SACM1L: variants seen among roughly 807,000 people sequenced by gnomAD.
The protein encoded by SACM1L is phosphatidylinositol-3-phosphatase SAC1.
Under a neutral mutation model 89.5 loss-of-function variants are expected in SACM1L, and 32 were observed. The ratio of observed to expected loss-of-function variants is 0.36; its 90% CI spans 0.27 to 0.48. The LOEUF is 0.48. SACM1L is among the 20% of genes least tolerant of loss of function. SACM1L has a pLI of 0.99. For missense variants in SACM1L, 543 were observed against 708.5 expected (o/e 0.77, Z 2.65); for synonymous variants, 213 against 232.8 (o/e 0.92, Z 0.77).
chr3:45,699,551 T>G (rs1534875), intron 1 of SACM1L, among the ~76,000 whole-genome samples: 73,357 of 151,936 alleles, frequency 0.48, 18,259 homozygotes, highest in Middle Eastern at 0.57. Context: ...TTTTTGAGAC[T>G]GAGTCTCACT....
In SACM1L at chr3:45,706,831, G is replaced by C; in HGVS notation, c.257G>C (p.Ser86Thr). ...AAGATAAAAGTAGGTGAATTTTTCAGTCATGTAGTCTGGAAAGCAACAGAT... is the reference window on the plus strand; with the variant it reads ...AAGATAAAAGTAGGTGAATTTTTCACTCATGTAGTCTGGAAAGCAACAGAT... ...TKKIKVGEFF[S>T]HVVWKATDFD... Residue 86 changes from serine (S) to threonine (T), a missense_variant, in exon 4 of 20, where the codon AGT becomes ACT. Transcript: ENST00000389061. The C allele has an allele frequency of 6.2e-7, 1 of 1,612,776 alleles. No homozygotes were observed.
intron 11 of SACM1L, among the ~76,000 whole-genome samples, chr3:45,726,062 G>A (rs147680399): frequency 4.4e-4 from 67 of 152,090 alleles, no homozygotes; most frequent in Admixed American, 7.9e-4. Context: ...TTTGGTCATG[G>A]TATATACTTT....
chr3:45,736,041 A>AT (rs936051853), intron 14 of SACM1L, among the ~76,000 whole-genome samples: 54 of 150,588 alleles, frequency 3.6e-4, no homozygotes, highest in South Asian at 2.1e-3. Context: ...TAATTTTTGT[A>AT]TTTTTTTTTG....
At chr3:45,696,376 C>T (rs1405395263) in intron 1 of SACM1L, among the ~76,000 whole-genome samples, 1 of 152,194 alleles carries the variant, frequency 6.6e-6, no homozygotes, top group Non-Finnish European at 1.5e-5. Flanking sequence ...TTAATAGACA[C>T]ATAGGTGGCT....
Position 45,700,241 on chromosome 3 carries a change from A to G in SACM1L, c.33-3197A>G, listed in dbSNP as rs139773020. ...ATAATCTTTTTATGTTAAAAATAGC[A>G]TTAGTTATTGAACAGGTAACACACC... On this transcript the variant is annotated intron_variant, in intron 1 of 19. Transcript: ENST00000389061. Among the ~76,000 whole-genome samples, 7 of 152,354 alleles carry G rather than the reference A, an allele frequency of 4.6e-5. No homozygotes were observed. In the East Asian group the frequency reaches 1.2e-3, roughly 25 times the overall value.
chr3:45,692,459 G>A (rs545147249), intron 1 of SACM1L, among the ~76,000 whole-genome samples: 1 of 152,190 alleles, frequency 6.6e-6, no homozygotes, highest in South Asian at 2.1e-4. Flanking sequence ...AAGCATCTGG[G>A]ACTACAGGTG....
intron 19 of SACM1L, among the ~76,000 whole-genome samples, chr3:45,740,477 G>A (rs1204517628): frequency 1.3e-5 from 2 of 152,152 alleles, no homozygotes; most frequent in Non-Finnish European, 2.9e-5. Context: ...CTTTGCAGCT[G>A]TCTACTTAGG....
intron 4 of SACM1L, 121 bp downstream of exon 4, chr3:45,707,028 T>G: frequency 1.2e-6 from 1 of 849,784 alleles, no homozygotes; most frequent in Non-Finnish European, 1.8e-6. Flanking sequence ...ACCTATAGAG[T>G]AAGATCACTC....
intron 3 of SACM1L, 104 bp downstream of exon 3, chr3:45,705,313 T>C (rs1364780424): frequency 1.7e-6 from 1 of 599,714 alleles, no homozygotes; most frequent in Non-Finnish European, 2.9e-6. Flanking sequence ...TGTATCATGC[T>C]TTAAGCAGTA....
chr3:45,718,005 T>C (rs1400610948), intron 7 of SACM1L, among the ~76,000 whole-genome samples: 1 of 152,238 alleles, frequency 6.6e-6, no homozygotes, highest in African/African-American at 2.4e-5. Context: ...CTTGAAGCAA[T>C]ATGGAATTTC....
Position 45,709,610 on chromosome 3 carries a change from C to G in SACM1L, c.446C>G (p.Thr149Ser). 3.7e-6 allele frequency: 6 copies of G among 1,613,606 alleles called. No individual in the cohort carries two copies. The highest frequency in any genetic ancestry group is 5.1e-6 in the Non-Finnish European group (6 of 1,179,764). Reference sequence around the variant, plus strand: ...CATACTTTGCAGCGGCTATCCAACACTAGTCCTGAATTCCAAGAAATGAGT... The same window carrying G: ...CATACTTTGCAGCGGCTATCCAACAGTAGTCCTGAATTCCAAGAAATGAGT... ...LTHTLQRLSN[T>S]SPEFQEMSLL... The change falls in exon 5 of 20, where the codon ACT becomes AGT. Residue 149 changes from threonine to serine, a missense_variant. Thr to Ser is a moderately conservative substitution (Grantham distance 58). Transcript: ENST00000389061.
At chr3:45,698,704 C>G (rs1266630626) in intron 1 of SACM1L, among the ~76,000 whole-genome samples, 1 of 152,154 alleles carries the variant, frequency 6.6e-6, no homozygotes, top group Non-Finnish European at 1.5e-5. Flanking sequence ...GCGCCTGCCA[C>G]CATGCCTGGC....
At chr3:45,691,598 G>T (rs1246516880) in intron 1 of SACM1L, among the ~76,000 whole-genome samples, 4 of 150,148 alleles carry the variant, frequency 2.7e-5, no homozygotes, top group Admixed American at 6.6e-5. Context: ...TGAAATGCTT[G>T]TTTTTTTTTT....
chr3:45,709,626 A>G lies in SACM1L; in HGVS notation c.462A>G (p.Gln154=), dbSNP rs1213125568. The change falls in exon 5 of 20, where the codon CAA becomes CAG. Residue 154 remains glutamine (Q), a synonymous_variant. Transcript: ENST00000389061. ...QRLSNTSPEF[Q]EMSLLERADQ... ...TATCCAACACTAGTCCTGAATTCCA[A>G]GAAATGAGTCTCTTGGAAAGGGTAA... is the stretch of plus-strand genomic sequence containing the variant. The G allele has an allele frequency of 6.2e-7, 1 of 1,613,038 alleles. No individual in the cohort carries two copies. The highest frequency in any genetic ancestry group is 2.2e-5 in the East Asian group (1 of 44,868).
chr3:45,705,734 C>T (rs551605245), intron 3 of SACM1L, among the ~76,000 whole-genome samples: 12 of 152,104 alleles, frequency 7.9e-5, no homozygotes, highest in African/African-American at 2.9e-4. Context: ...GAACTCCTGA[C>T]CTCAGGTGAT....
chr3:45,735,139 A>T, intron 13 of SACM1L, 96 bp from the exon 14 acceptor site: 2 of 1,170,934 alleles, frequency 1.7e-6, no homozygotes, highest in Non-Finnish European at 2.4e-6. Context: ...ACAGTTTTTA[A>T]TAATGTCACT....
At chr3:45,734,369 T>C (rs1358847803) in intron 13 of SACM1L, among the ~76,000 whole-genome samples, 1 of 151,184 alleles carries the variant, frequency 6.6e-6, no homozygotes, top group Non-Finnish European at 1.5e-5. Context: ...GCTGAGATCA[T>C]GCCACTGTGC....
At chr3:45,724,254 G>C (rs1698858716) in intron 11 of SACM1L, among the ~76,000 whole-genome samples, 1 of 151,486 alleles carries the variant, frequency 6.6e-6, no homozygotes, top group African/African-American at 2.4e-5. Flanking sequence ...CAATACACCA[G>C]AGTTCCAGTT....
chr3:45,691,678 G>A (rs1413078350), intron 1 of SACM1L, among the ~76,000 whole-genome samples: 2 of 151,232 alleles, frequency 1.3e-5, no homozygotes, highest in Non-Finnish European at 2.9e-5. Context: ...ACAGTGGTTT[G>A]ATCATAGCTC....
Sources: gnomAD v4.1 joint callset for allele counts (sites outside exome capture counted in the v4.1 genomes callset) on GRCh38, gnomAD v4.1.1 for gene constraint, MANE v1.5 for transcripts, NCBI Gene and HGNC (gene_info 2026-07-23, HGNC 2026-07-21) for gene names.